Variants in LRMDA observed in about 807,000 individuals in gnomAD.
LRMDA encodes leucine rich melanocyte differentiation associated.
In LRMDA, 18 loss-of-function variants were observed where a neutral mutation model predicts 29.8. That is an observed-to-expected ratio of 0.60 (90% CI 0.42 to 0.90). The LOEUF (loss-of-function observed/expected upper bound fraction) is 0.90, where lower values mean the gene tolerates loss of function less well. Ranked by LOEUF, LRMDA falls within the 40% of genes least tolerant of loss-of-function variation. The pLI, the probability that LRMDA is intolerant of heterozygous loss-of-function variation, is 0.00. For missense variants in LRMDA, 273 were observed against 273.9 expected, an observed-to-expected ratio of 1.00 and a Z score of 0.02; for synonymous variants, 125 against 109.4, an observed-to-expected ratio of 1.14 and a Z score of -0.89.
chr10:76,491,296 A>C (rs539756624), intron 6 of LRMDA, among the ~76,000 whole-genome samples: 3 of 152,078 alleles, frequency 2.0e-5, no homozygotes, highest in South Asian at 4.1e-4. Context: ...ATGATATCTT[A>C]CTGTTCTTTA....
At chr10:75,765,442 C>T (rs1293617133) in intron 2 of LRMDA, among the ~76,000 whole-genome samples, 3 of 152,196 alleles carry the variant, frequency 2.0e-5, no homozygotes, top group African/African-American at 7.2e-5. Context: ...TAATATTTCT[C>T]TCCCCAGCCT....
In LRMDA at chr10:76,500,595, G is replaced by A. The variant is rs2132342083; in HGVS notation, c.602-56614G>A. Among the ~76,000 whole-genome samples the A allele has an allele frequency of 2.7e-5, 2 of 74,888 alleles. 1 individual carries two copies. The highest frequency in any genetic ancestry group is 6.9e-4 in the South Asian group (2 of 2,894). The allele number at this position is 74,888 out of a possible 152,430, so 49.1% of individuals were successfully genotyped here. A position where few individuals can be genotyped will look rare whatever the true frequency, so the allele number is the denominator to read the frequency against. ...GATGATATCAATATAAATTCCCTTA[G>A]GACTCTGTGAAAGCCTGTTTCACCA... On this transcript the variant is annotated intron_variant, in intron 6 of 6. Transcript: ENST00000611255.
chr10:76,193,305 T>G (rs1038139724), intron 5 of LRMDA, among the ~76,000 whole-genome samples: 1 of 152,190 alleles, frequency 6.6e-6, no homozygotes, highest in Non-Finnish European at 1.5e-5. Context: ...TTTAAACATG[T>G]CTTTGATTGC....
intron 2 of LRMDA, among the ~76,000 whole-genome samples, chr10:75,944,429 G>C (rs182278658): frequency 6.6e-6 from 1 of 151,826 alleles, no homozygotes; most frequent in Non-Finnish European, 1.5e-5. Context: ...TTCTATCTGC[G>C]TGTTTAAGCT....
chr10:75,842,245 A>T (rs987007039), intron 2 of LRMDA, among the ~76,000 whole-genome samples: 8 of 152,266 alleles, frequency 5.3e-5, no homozygotes, highest in Non-Finnish European at 4.4e-5. Context: ...ATGAGTGTCC[A>T]TAAATAAATT....
intron 6 of LRMDA, among the ~76,000 whole-genome samples, chr10:76,427,866 T>C (rs1589180983): frequency 1.3e-5 from 2 of 152,322 alleles, no homozygotes; most frequent in African/African-American, 4.8e-5. Flanking sequence ...GATAATCATG[T>C]GGTGTTTGTC....
At chr10:76,220,222 G>A (rs548737934) in intron 5 of LRMDA, among the ~76,000 whole-genome samples, 1 of 152,012 alleles carries the variant, frequency 6.6e-6, no homozygotes, top group Non-Finnish European at 1.5e-5. Context: ...AAAAGCAAGA[G>A]CAAACACATT....
intron 5 of LRMDA, among the ~76,000 whole-genome samples, chr10:76,321,665 C>T (rs1409209679): frequency 1.3e-5 from 2 of 152,122 alleles, no homozygotes; most frequent in Non-Finnish European, 2.9e-5. Flanking sequence ...GTGGCAAGAG[C>T]CAGGCGCGGT....
chr10:76,210,582 T>C (rs1161101704), intron 5 of LRMDA, among the ~76,000 whole-genome samples: 1 of 152,174 alleles, frequency 6.6e-6, no homozygotes, highest in Non-Finnish European at 1.5e-5. Flanking sequence ...ATATATATAT[T>C]GAAATGGCGG....
intron 5 of LRMDA, among the ~76,000 whole-genome samples, chr10:76,142,096 A>T (rs191063136): frequency 1.4e-4 from 21 of 152,068 alleles, no homozygotes; most frequent in African/African-American, 4.6e-4. Flanking sequence ...AGGCTGCAAG[A>T]AATTTTCTAC....
chr10:76,040,103 G>T (rs1848316489), intron 3 of LRMDA, among the ~76,000 whole-genome samples: 1 of 152,148 alleles, frequency 6.6e-6, no homozygotes, highest in Non-Finnish European at 1.5e-5. Flanking sequence ...CAGTAGTGGG[G>T]CTTAGTCTAG....
chr10:76,045,088 C>T (rs1848411287), intron 3 of LRMDA, among the ~76,000 whole-genome samples: 1 of 145,824 alleles, frequency 6.9e-6, no homozygotes, highest in Non-Finnish European at 1.5e-5. Context: ...CCCTCTCTTG[C>T]TAGTTTACCT....
intron 2 of LRMDA, among the ~76,000 whole-genome samples, chr10:75,627,299 T>C (rs565852254): frequency 1.1e-4 from 17 of 152,372 alleles, no homozygotes; most frequent in Admixed American, 8.5e-4. Context: ...TTGAATTTCC[T>C]GAACAAAGTG....
intron 2 of LRMDA, among the ~76,000 whole-genome samples, chr10:75,545,478 C>G (rs1215469547): frequency 6.6e-6 from 1 of 152,140 alleles, no homozygotes; most frequent in Non-Finnish European, 1.5e-5. Context: ...TCTTTCTCTG[C>G]TACATGTGAC....
intron 2 of LRMDA, among the ~76,000 whole-genome samples, chr10:75,935,839 A>T (rs1334193185): frequency 2.0e-5 from 3 of 152,104 alleles, no homozygotes; most frequent in Admixed American, 2.0e-4. Flanking sequence ...CCCTCCTCCC[A>T]GAGGTTTGGA....
At chr10:75,558,128 G>C (rs1472024300) in intron 2 of LRMDA, among the ~76,000 whole-genome samples, 1 of 150,870 alleles carries the variant, frequency 6.6e-6, no homozygotes, top group Non-Finnish European at 1.5e-5. Flanking sequence ...AGAAAAAAAA[G>C]TAAATTAGGT....
chr10:75,967,919 G>A (rs1344679164), intron 2 of LRMDA, among the ~76,000 whole-genome samples: 1 of 152,186 alleles, frequency 6.6e-6, no homozygotes, highest in Non-Finnish European at 1.5e-5. Context: ...AACCTGTAAT[G>A]TGTCCCGTTC....
At chr10:75,484,936 A>G (rs1844894343) in intron 2 of LRMDA, among the ~76,000 whole-genome samples, 1 of 152,246 alleles carries the variant, frequency 6.6e-6, no homozygotes, top group Non-Finnish European at 1.5e-5. Context: ...GCAGACTAAT[A>G]CAATGTTATA....
chr10:76,034,639 A>G (rs1490529060), intron 2 of LRMDA, among the ~76,000 whole-genome samples: 1 of 152,236 alleles, frequency 6.6e-6, no homozygotes, highest in East Asian at 1.9e-4. Context: ...CGATCCCACA[A>G]GGGAGCTATG....
Sources: allele counts gnomAD v4.1 joint callset (sites outside exome capture counted in the v4.1 genomes callset), GRCh38; gene constraint gnomAD v4.1.1; transcripts MANE v1.5; gene names NCBI Gene and HGNC (gene_info 2026-07-23, HGNC 2026-07-21).